ERBIN: variants seen among roughly 807,000 people sequenced by gnomAD.
The protein encoded by ERBIN is erbb2 interacting protein.
A neutral mutation model predicts 158.4 loss-of-function variants in ERBIN; 60 were observed. The ratio of observed to expected loss-of-function variants is 0.38; its 90% CI spans 0.31 to 0.47. The LOEUF is 0.47. Ranked by LOEUF, ERBIN falls within the 20% of genes least tolerant of loss-of-function variation. ERBIN has a pLI of 0.99. For missense variants in ERBIN, 1,610 were observed against 1,648.0 expected (o/e 0.98, Z 0.40); for synonymous variants, 594 against 557.2 (o/e 1.07, Z -0.93).
chr5:65,994,753 T>C lies in ERBIN; in HGVS notation c.196T>C (p.Phe66Leu), dbSNP rs1204147589. The change falls in exon 4 of 26, where the codon TTT (phenylalanine) becomes CTT (leucine). Residue 66 changes from phenylalanine (F) to leucine (L), a missense_variant. Coordinates refer to ENST00000284037, the MANE Select transcript of ERBIN (RefSeq NM_001253697.2). ...NQIEELPKQL[F>L]NCQSLHKLSL... is the part of the protein sequence containing the mutation. ...TCCTCCCTTTTTTCAATAGCAACTT[T>C]TTAACTGTCAGTCTTTACACAAACT... 6.9e-6 allele frequency: 11 copies of C among 1,585,580 alleles called. No homozygotes were observed. Among genetic ancestry groups the C allele is most frequent in the Non-Finnish European group, 9.4e-6 (11 of 1,167,372 alleles).
chr5:66,019,615 G>A (rs554535449), intron 7 of ERBIN, among the ~76,000 whole-genome samples: 1 of 152,148 alleles, frequency 6.6e-6, no homozygotes, highest in African/African-American at 2.4e-5. Context: ...ATAGAGAGTT[G>A]AGGTGGAGAC....
At chr5:66,048,601 CTTAATA>C (rs1367930606) in intron 18 of ERBIN, 60 bp from the exon 19 acceptor site, 1 of 858,094 alleles carries the variant, frequency 1.2e-6, no homozygotes, top group Non-Finnish European at 1.9e-6. Flanking sequence ...AGTCTTATGA[CTTAATA>C]TTTATTTATT....
At chr5:66,064,116 G>A (rs901776750) in intron 21 of ERBIN, among the ~76,000 whole-genome samples, 1 of 152,094 alleles carries the variant, frequency 6.6e-6, no homozygotes, top group South Asian at 2.1e-4. Context: ...AAGATAAAAT[G>A]GTAATGATAA....
chr5:65,990,884 C>T (rs1329846340), intron 2 of ERBIN, among the ~76,000 whole-genome samples: 1 of 151,792 alleles, frequency 6.6e-6, no homozygotes, highest in Non-Finnish European at 1.5e-5. Context: ...CCTCAGCCTC[C>T]CAAGTACCTG....
intron 1 of ERBIN, among the ~76,000 whole-genome samples, chr5:65,976,738 C>T (rs1450127109): frequency 1.3e-5 from 2 of 151,756 alleles, no homozygotes; most frequent in East Asian, 3.9e-4. Flanking sequence ...ATGCTGCCTT[C>T]AAGCATCTGT....
At chr5:66,025,748 G>A in intron 11 of ERBIN, 100 bp from the exon 12 acceptor site, 2 of 998,666 alleles carry the variant, frequency 2.0e-6, no homozygotes, top group Non-Finnish European at 2.8e-6. Flanking sequence ...GTTTCACTAG[G>A]TTTTCAAAGT....
At chr5:66,017,572 T>G (rs1362491965) in intron 7 of ERBIN, among the ~76,000 whole-genome samples, 2 of 151,786 alleles carry the variant, frequency 1.3e-5, no homozygotes, top group Non-Finnish European at 2.9e-5. Context: ...ATATTCTAAT[T>G]ATTAATTCCT....
At chr5:65,958,435 A>G (rs918961798) in intron 1 of ERBIN, among the ~76,000 whole-genome samples, 14 of 152,242 alleles carry the variant, frequency 9.2e-5, no homozygotes, top group Non-Finnish European at 2.1e-4. Context: ...CCCGGCCAAC[A>G]CAGCGAAACC....
In ERBIN at chr5:66,081,908, AAAAG is replaced by A. The variant is rs939111795; in HGVS notation, c.*3382_*3385del. The A allele has an allele frequency of 2.6e-5, 4 of 152,032 alleles. No homozygotes were observed. Among genetic ancestry groups the A allele is most frequent in the South Asian group, 4.2e-4 (2 of 4,812 alleles). 9.4% of individuals were successfully genotyped at this position (152,032 alleles called of 1,614,324 possible). On this transcript the variant is annotated 3_prime_UTR_variant, in exon 26 of 26. Transcript: ENST00000284037. ...GAACAAGATGCCTCTTTAAAAAAAA[AAAAG>A]AAAAAGTAATCTAGACAGGCAGCCA...
intron 4 of ERBIN, among the ~76,000 whole-genome samples, chr5:66,008,186 G>A (rs1279928057): frequency 6.6e-6 from 1 of 152,192 alleles, no homozygotes; most frequent in Non-Finnish European, 1.5e-5. Context: ...GGAGGCTGAG[G>A]TGGGCGGATC....
intron 15 of ERBIN, 151 bp from the exon 16 acceptor site, chr5:66,042,926 G>A (rs986364964): frequency 8.4e-5 from 46 of 550,336 alleles, no homozygotes; most frequent in Admixed American, 1.6e-4. Context: ...ATCGGCCAAC[G>A]CATTAGGATT....
rs559141717 is a variant in ERBIN, at chr5:65,960,491, C to T, written c.-57-28144C>T. ...CTCAAAAACAAACAATGAAACAGAG[C>T]GAAAATACTGATGCCTATGTCCTAC... On this transcript the variant is annotated intron_variant, in intron 1 of 25. Transcript: ENST00000284037. Among the ~76,000 whole-genome samples the T allele has an allele frequency of 5.3e-5, 8 of 152,236 alleles. No homozygotes were observed. The East Asian group carries it at 7.7e-4, about 15-fold the overall frequency.
chr5:66,001,008 GA>G (rs1162361224), intron 4 of ERBIN, among the ~76,000 whole-genome samples: 1 of 151,790 alleles, frequency 6.6e-6, no homozygotes, highest in African/African-American at 2.4e-5. Context: ...CTATTGTGTT[GA>G]AAAAAAATTA....
chr5:66,035,308 G>T (rs894039283), intron 14 of ERBIN, among the ~76,000 whole-genome samples: 1 of 152,086 alleles, frequency 6.6e-6, no homozygotes, highest in African/African-American at 2.4e-5. Flanking sequence ...AATTCAGCAA[G>T]CCCAAAATTG....
chr5:66,068,664 A>T (rs1761244510), intron 21 of ERBIN, among the ~76,000 whole-genome samples: 1 of 152,194 alleles, frequency 6.6e-6, no homozygotes, highest in Non-Finnish European at 1.5e-5. Context: ...TAAACATGTG[A>T]ATGGTTGTAT....
chr5:66,018,989 A>G (rs541641962), intron 7 of ERBIN, among the ~76,000 whole-genome samples: 22 of 152,114 alleles, frequency 1.4e-4, no homozygotes, highest in Non-Finnish European at 2.5e-4. Context: ...TTGATTTTTC[A>G]GATTGTTTGC....
chr5:66,026,048 T>A (rs1756208284), intron 12 of ERBIN, 71 bp downstream of exon 12: 1 of 1,204,976 alleles, frequency 8.3e-7, no homozygotes. Context: ...TATAGCTATT[T>A]AGTGTGGCTT....
At chr5:66,050,744 G>C in intron 19 of ERBIN, 39 bp from the exon 20 acceptor site, 1 of 1,323,046 alleles carries the variant, frequency 7.6e-7, no homozygotes, top group Non-Finnish European at 1.0e-6. Context: ...CACAATTCTT[G>C]GGGAATTTAT....
At chr5:65,938,499 A>G (rs983106428) in intron 1 of ERBIN, among the ~76,000 whole-genome samples, 7 of 151,088 alleles carry the variant, frequency 4.6e-5, no homozygotes, top group Middle Eastern at 3.4e-3. Context: ...CCCAGTTTGC[A>G]TATTTATTTG....
Sources: gnomAD v4.1 joint callset for allele counts (sites outside exome capture counted in the v4.1 genomes callset) on GRCh38, gnomAD v4.1.1 for gene constraint, MANE v1.5 for transcripts, NCBI Gene and HGNC (gene_info 2026-07-23, HGNC 2026-07-21) for gene names.